The following PPARGC1A variants were observed in gnomAD, a reference collection of about 807,000 sequenced individuals.
The protein encoded by PPARGC1A is PPARG coactivator 1 alpha.
In PPARGC1A, 25 loss-of-function variants were observed where a neutral mutation model predicts 88.7. The ratio of observed to expected loss-of-function variants is 0.28; its 90% CI spans 0.21 to 0.39. The LOEUF (loss-of-function observed/expected upper bound fraction) is 0.39, where lower values mean the gene tolerates loss of function less well. PPARGC1A is among the 10% of genes least tolerant of loss of function. The pLI is 1.00. For missense variants in PPARGC1A, 880 were observed against 968.7 expected, an observed-to-expected ratio of 0.91 and a Z score of 1.22; for synonymous variants, 363 against 355.6, an observed-to-expected ratio of 1.02 and a Z score of -0.24.
At chr4:24,211,189 G>T in the PPARGC1A span, among the ~76,000 whole-genome samples, 878 of 152,002 alleles carry the variant, frequency 5.8e-3, 9 homozygotes, top group South Asian at 0.032. Flanking sequence ...CCTTAAACTC[G>T]TGACTAGATG....
intron 12 of PPARGC1A, among the ~76,000 whole-genome samples, chr4:23,798,075 C>G (rs561918918): frequency 4.7e-4 from 71 of 152,212 alleles, no homozygotes; most frequent in African/African-American, 1.6e-3. Context: ...TCCTGCCCAC[C>G]AGAGAACAAC....
chr4:23,889,000 T>C (rs917917257), intron 1 of PPARGC1A: 4 of 985,384 alleles, frequency 4.1e-6, no homozygotes, highest in Non-Finnish European at 4.8e-6. Flanking sequence ...TCCGAGAGCA[T>C]TCCATTGTGC....
chr4:24,380,133 T>C, the PPARGC1A span, among the ~76,000 whole-genome samples: 1 of 152,256 alleles, frequency 6.6e-6, no homozygotes, highest in Non-Finnish European at 1.5e-5. Context: ...CATGGGACAT[T>C]AATGTTATTT....
At chr4:24,160,042 G>C in the PPARGC1A span, among the ~76,000 whole-genome samples, 1 of 152,182 alleles carries the variant, frequency 6.6e-6, no homozygotes, top group Non-Finnish European at 1.5e-5. Context: ...ACCAAGTGAG[G>C]TAGAGCACTG....
the PPARGC1A span, among the ~76,000 whole-genome samples, chr4:24,196,694 C>G: frequency 6.6e-6 from 1 of 152,204 alleles, no homozygotes; most frequent in African/African-American, 2.4e-5. Context: ...GATGTAGGCA[C>G]AATTCCTGAC....
At chr4:23,825,525 T>C (rs111413615) in intron 5 of PPARGC1A, among the ~76,000 whole-genome samples, 2 of 152,214 alleles carry the variant, frequency 1.3e-5, no homozygotes, top group African/African-American at 4.8e-5. Flanking sequence ...TAAGTGATAT[T>C]TTCAGGGCCA....
chr4:24,359,502 AT>A, the PPARGC1A span, among the ~76,000 whole-genome samples: 1 of 152,150 alleles, frequency 6.6e-6, no homozygotes, highest in Non-Finnish European at 1.5e-5. Flanking sequence ...CAAATTCTTG[AT>A]CCCCACTGGT....
intron 1 of PPARGC1A, among the ~76,000 whole-genome samples, chr4:23,897,598 T>C (rs915583067): frequency 6.6e-6 from 1 of 152,216 alleles, no homozygotes; most frequent in Non-Finnish European, 1.5e-5. Flanking sequence ...ATGTCTCATT[T>C]CACAAAGATA....
chr4:24,305,089 T>C, the PPARGC1A span, among the ~76,000 whole-genome samples: 2 of 150,354 alleles, frequency 1.3e-5, no homozygotes, highest in East Asian at 3.9e-4. Context: ...AGAATGGTGG[T>C]TGTTTGGGGC....
the PPARGC1A span, among the ~76,000 whole-genome samples, chr4:24,412,359 A>T: frequency 6.6e-6 from 1 of 152,202 alleles, no homozygotes; most frequent in South Asian, 2.1e-4. Context: ...CAACCCATGA[A>T]CTAAAAACAA....
At chr4:24,062,301 A>G in the PPARGC1A span, among the ~76,000 whole-genome samples, 1 of 152,196 alleles carries the variant, frequency 6.6e-6, no homozygotes, top group Non-Finnish European at 1.5e-5. Flanking sequence ...CTAACGTTTC[A>G]TAGGATATGA....
the PPARGC1A span, among the ~76,000 whole-genome samples, chr4:24,214,709 A>G: frequency 6.6e-6 from 1 of 152,164 alleles, no homozygotes; most frequent in Non-Finnish European, 1.5e-5. Flanking sequence ...TCTCTCTGCT[A>G]TAGGGCAAGA....
At chr4:24,443,269 TTA>T in the PPARGC1A span, among the ~76,000 whole-genome samples, 5 of 140,700 alleles carry the variant, frequency 3.6e-5, no homozygotes, top group South Asian at 4.5e-4. Context: ...TTTTTTTTTT[TTA>T]AATAATATAC....
At chr4:23,873,226 A>AAAAAG (rs1195094885) in intron 2 of PPARGC1A, among the ~76,000 whole-genome samples, 1 of 149,134 alleles carries the variant, frequency 6.7e-6, no homozygotes, top group African/African-American at 2.4e-5. Context: ...ATAAAAAATA[A>AAAAAG]AGAAAAAAAT....
At chr4:24,184,741 C>T in the PPARGC1A span, among the ~76,000 whole-genome samples, 1 of 152,146 alleles carries the variant, frequency 6.6e-6, no homozygotes, top group Non-Finnish European at 1.5e-5. Context: ...GCTCAAAACA[C>T]ATAGAATGAG....
the PPARGC1A span, among the ~76,000 whole-genome samples, chr4:24,100,861 AT>A: frequency 6.6e-6 from 1 of 152,166 alleles, no homozygotes; most frequent in African/African-American, 2.4e-5. Flanking sequence ...AGCTGAATTC[AT>A]ACTTTCTAGC....
At chr4:23,958,185 T>C in the PPARGC1A span, among the ~76,000 whole-genome samples, 1 of 152,136 alleles carries the variant, frequency 6.6e-6, no homozygotes, top group Admixed American at 6.6e-5. Context: ...TTCGAAGCAC[T>C]GGGCGATTTT....
chr4:23,893,447 A>G (rs1287161403), upstream of PPARGC1A, among the ~76,000 whole-genome samples: 1 of 152,186 alleles, frequency 6.6e-6, no homozygotes, highest in Non-Finnish European at 1.5e-5. Flanking sequence ...AGCTATTAGG[A>G]TAAATATATT....
the PPARGC1A span, among the ~76,000 whole-genome samples, chr4:24,154,970 G>A: frequency 6.6e-5 from 10 of 152,060 alleles, no homozygotes; most frequent in Admixed American, 6.5e-4. Context: ...TCAAGTGATG[G>A]GAAAGGGTCT....
Sources: allele counts gnomAD v4.1 joint callset (sites outside exome capture counted in the v4.1 genomes callset), GRCh38; gene constraint gnomAD v4.1.1; transcripts MANE v1.5; gene names NCBI Gene and HGNC (gene_info 2026-07-23, HGNC 2026-07-21).